PGGHG: variants seen among roughly 807,000 people sequenced by gnomAD.
PGGHG encodes the protein ATH1, acid trehalase-like 1.
PGGHG carries 67 observed loss-of-function variants against 74.5 expected under a neutral mutation model. The observed-to-expected ratio is 0.90, with a 90% CI of 0.74 to 1.10. The LOEUF (loss-of-function observed/expected upper bound fraction) is 1.10, where lower values mean the gene tolerates loss of function less well. PGGHG is among the 50% of genes least tolerant of loss of function. The pLI, the probability that PGGHG is intolerant of heterozygous loss-of-function variation, is 0.00. For synonymous variants in PGGHG, 496 were observed against 419.9 expected, an observed-to-expected ratio of 1.18 and a Z score of -2.21; for missense variants, 1,034 against 981.5, an observed-to-expected ratio of 1.05 and a Z score of -0.72.
At chr11:291,818 T>A in intron 4 of PGGHG, 158 bp from the exon 5 acceptor site, 2 of 1,070,364 alleles carry the variant, frequency 1.9e-6, no homozygotes, top group Non-Finnish European at 2.6e-6. Flanking sequence ...GAGACAGAAC[T>A]GGGTGGGCAG....
At position 294,273 on chromosome 11, in the gene PGGHG, C is replaced by G; in HGVS notation, c.1815C>G (p.Thr605=). ...VVFGCTGFRV[T]RAGVTFDPVC... Reference sequence around the variant, plus strand: ...CAAGCCTCTCCTCCCACAGGGTCACCCGAGCGGGTGTGACCTTTGACCCTG... The same window carrying G: ...CAAGCCTCTCCTCCCACAGGGTCACGCGAGCGGGTGTGACCTTTGACCCTG... Residue 605 remains threonine, a synonymous_variant, in exon 13 of 14, where the codon ACC becomes ACG. Coordinates refer to ENST00000409548, the MANE Select transcript of PGGHG (RefSeq NM_025092.5). 6.2e-7 allele frequency: 1 copy of G among 1,604,272 alleles called. No individual in the cohort carries two copies. The highest frequency in any genetic ancestry group is 8.5e-7 in the Non-Finnish European group (1 of 1,174,688).
chr11:291,641 C>G (rs1845724355), intron 4 of PGGHG: 2 of 303,104 alleles, frequency 6.6e-6, no homozygotes, highest in Admixed American at 9.5e-5. Flanking sequence ...CCCGGTGCTG[C>G]CGCTGTGGCC....
In PGGHG at chr11:294,347, A is replaced by G. The variant is rs1243875997; in HGVS notation, c.1889A>G (p.Gln630Arg). Reference protein sequence around the residue: ...SRVSVSGIFYQGNKLNFSFSE... With the variant: ...SRVSVSGIFYRGNKLNFSFSE... ...GTGAGCGTCTCCGGCATCTTCTACC[A>G]GGGGAACAAGCTCAACTTCTCTTTT... The change falls in exon 13 of 14, where the codon CAG becomes CGG. Residue 630 changes from glutamine to arginine, a missense_variant. By Grantham distance (43) the Gln-to-Arg change is conservative (BLOSUM62 1). Coordinates refer to ENST00000409548, the MANE Select transcript of PGGHG (RefSeq NM_025092.5). 1 of 1,613,126 alleles carries G rather than the reference A, an allele frequency of 6.2e-7. No homozygotes were observed. The highest frequency in any genetic ancestry group is 2.2e-5 in the East Asian group (1 of 44,862).
chr11:291,400 C>T (rs1478948949), intron 4 of PGGHG: 1 of 423,566 alleles, frequency 2.4e-6, no homozygotes, highest in Non-Finnish European at 4.2e-6. Flanking sequence ...CGTTTGTAGA[C>T]AGTAGTGTGG....
At position 293,932 on chromosome 11, in the gene PGGHG, C is replaced by A; in HGVS notation, c.1710+7C>A. On this transcript the variant is annotated splice_region_variant and intron_variant, in intron 11 of 13. Transcript: ENST00000409548. ...CATGGCTGAACCCTTCAAGGTCAGC[C>A]TGGCCACACCTGCCTCCCACTGGGC... 1 of 1,607,866 alleles carries A rather than the reference C, an allele frequency of 6.2e-7. No individual in the cohort carries two copies. The highest frequency in any genetic ancestry group is 8.5e-7 in the Non-Finnish European group (1 of 1,177,570).
chr11:289,469 G>T lies in PGGHG; in HGVS notation c.-14+230G>T. The T allele has an allele frequency of 4.6e-6, 1 of 216,818 alleles. No homozygotes were observed. Among genetic ancestry groups the T allele is most frequent in the Non-Finnish European group, 9.2e-6 (1 of 108,200 alleles). 13.4% of individuals were successfully genotyped at this position (216,818 alleles called of 1,614,324 possible). A position where few individuals can be genotyped will look rare whatever the true frequency, so the allele number is the denominator to read the frequency against. On this transcript the variant is annotated intron_variant, in intron 1 of 13. Transcript: ENST00000409548. The surrounding 1 kb of genome is among the most constrained non-coding windows in gnomAD (Gnocchi z 5.6). ...CCCCACGTGCCACCAACAGACGCAG[G>T]TCCCGACCACAGAGGGTGGGGGCAA...
chr11:290,100 C>T (rs1845672021), intron 2 of PGGHG, 25 bp downstream of exon 2: 1 of 1,503,602 alleles, frequency 6.7e-7, no homozygotes, highest in Non-Finnish European at 8.9e-7. Context: ...CCTGCCTCAC[C>T]CCTGCCCCAG....
Position 292,004 on chromosome 11 carries a change from T to G in PGGHG, c.935T>G (p.Met312Arg), listed in dbSNP as rs1246618799. The change falls in exon 5 of 14, where the codon ATG becomes AGG. Residue 312 changes from methionine to arginine, a missense_variant. Physicochemically the swap from Met to Arg is moderately conservative, Grantham distance 91. Transcript: ENST00000409548. ...QDLWMFPSIL[M>R]FHPEAARAIL... ...CTCTGGATGTTCCCGAGTATCCTGA[T>G]GTTCCACCCAGAAGCCGCCAGGGCC... 1 of 1,610,496 alleles carries G rather than the reference T, an allele frequency of 6.2e-7. No individual in the cohort carries two copies. Among genetic ancestry groups the G allele is most frequent in the Non-Finnish European group, 8.5e-7 (1 of 1,178,926 alleles).
In PGGHG at chr11:294,735, C is replaced by A; in HGVS notation, c.2200C>A (p.Pro734Thr). 1.2e-6 allele frequency: 2 copies of A among 1,600,840 alleles called. No individual in the cohort carries two copies. Among genetic ancestry groups the A allele is most frequent in the Non-Finnish European group, 1.7e-6 (2 of 1,172,662 alleles). ...SSPTESLTVDPASE is the reference protein window; with the variant it reads ...SSPTESLTVDTASE ...CCCCACCGAGTCACTCACTGTGGACCCTGCCTCTGAATAATCAGGAACGGT... is the reference window on the plus strand; with the variant it reads ...CCCCACCGAGTCACTCACTGTGGACACTGCCTCTGAATAATCAGGAACGGT... The change falls in exon 14 of 14, where the codon CCT becomes ACT. Residue 734 changes from proline to threonine, a missense_variant. Pro to Thr is a conservative substitution (Grantham distance 38). Coordinates refer to ENST00000409548, the MANE Select transcript of PGGHG (RefSeq NM_025092.5).
intron 2 of PGGHG, 24 bp downstream of exon 2, chr11:290,099 C>T (rs941677819): frequency 2.0e-6 from 3 of 1,504,114 alleles, no homozygotes; most frequent in African/African-American, 2.8e-5. Context: ...GCCTGCCTCA[C>T]CCCTGCCCCA....
Position 295,489 on chromosome 11 carries a change from G to C in PGGHG, c.*740G>C, listed in dbSNP as rs1002099434. On this transcript the variant is annotated 3_prime_UTR_variant, in exon 14 of 14. Coordinates refer to ENST00000409548, the MANE Select transcript of PGGHG (RefSeq NM_025092.5). ...GGACCAGCCAGAGGGACTGGAGCCA[G>C]GTGTGCATGGGTTCAAGGCCCTGGC... 1 of 152,292 alleles carries C rather than the reference G, an allele frequency of 6.6e-6. No homozygotes were observed. Among genetic ancestry groups the C allele is most frequent in the Non-Finnish European group, 1.5e-5 (1 of 68,078 alleles). The allele number at this position is 152,292 out of a possible 1,614,324, so 9.4% of individuals were successfully genotyped here.
chr11:290,243 C>T, intron 2 of PGGHG, 147 bp from the exon 3 acceptor site: 2 of 1,328,534 alleles, frequency 1.5e-6, no homozygotes, highest in East Asian at 2.5e-5. Context: ...ACCTGGAGGC[C>T]TCCTGTGCAG....
rs1316533011 is a variant in PGGHG at position 292,990 on chromosome 11, C to G, written c.1263C>G (p.His421Gln). The G allele has an allele frequency of 4.4e-6, 7 of 1,597,216 alleles. No homozygotes were observed. The highest frequency in any genetic ancestry group is 6.0e-6 in the Non-Finnish European group (7 of 1,170,598). ...GGAGCCCCAGGGAGGAAAAGTACCACCTGAGGGGTGAGGCCATGGTGGGGA... is the reference window on the plus strand; with the variant it reads ...GGAGCCCCAGGGAGGAAAAGTACCAGCTGAGGGGTGAGGCCATGGTGGGGA... ...VEWSPREEKY[H>Q]LRGVMSPDEY... The change falls in exon 7 of 14, where the codon CAC becomes CAG. Residue 421 changes from histidine to glutamine, a missense_variant. Physicochemically the swap from His to Gln is conservative, Grantham distance 24 (BLOSUM62 0). Transcript: ENST00000409548.
rs760295073 is a variant in PGGHG at position 294,296 on chromosome 11, C to T, written c.1838C>T (p.Pro613Leu). Residue 613 changes from proline (P) to leucine (L), a missense_variant, in exon 13 of 14, where the codon CCT becomes CTT. Coordinates refer to ENST00000409548, the MANE Select transcript of PGGHG (RefSeq NM_025092.5). ...RVTRAGVTFD[P>L]VCLSGISRVS... is the part of the protein sequence containing the mutation. ...ACCCGAGCGGGTGTGACCTTTGACC[C>T]TGTGTGTCTGTCGGGGATCTCCAGA... 3 of 1,611,340 alleles carry T rather than the reference C, an allele frequency of 1.9e-6. No individual in the cohort carries two copies. Among genetic ancestry groups the T allele is most frequent in the African/African-American group, 1.3e-5 (1 of 74,886 alleles).
At position 291,157 on chromosome 11, in the gene PGGHG, A is replaced by G. The variant is rs370614850; in HGVS notation, c.906+44A>G. 1.1e-5 allele frequency: 17 copies of G among 1,517,492 alleles called. No individual in the cohort carries two copies. In the African/African-American group the frequency reaches 2.2e-4, roughly 20 times the overall value. The allele number at this position is 1,517,492 out of a possible 1,614,324, so 94.0% of individuals were successfully genotyped here. ...GCACCAGCCACACAGCAGGCGACAC[A>G]TGGAGGTCCACGGTCTCTGCCCTCC... On this transcript the variant is annotated intron_variant, in intron 4 of 13. Transcript: ENST00000409548.
Position 294,773 on chromosome 11 carries a change from G to T in PGGHG, c.*24G>T, listed in dbSNP as rs763277834. The stretch of plus-strand genomic sequence containing the variant: ...AATCAGGAACGGTGGCTTCAGAGAC[G>T]TCTCTTGGGCCTTCCCTCTGGCCAC... On this transcript the variant is annotated 3_prime_UTR_variant, in exon 14 of 14. Transcript: ENST00000409548. 6.4e-7 allele frequency: 1 copy of T among 1,569,132 alleles called. No homozygotes were observed. The highest frequency in any genetic ancestry group is 8.7e-7 in the Non-Finnish European group (1 of 1,153,186).
At position 294,845 on chromosome 11, in the gene PGGHG, A is replaced by C. The variant is rs1590292985; in HGVS notation, c.*96A>C. ...GCACCCTCCTAGCCTGCCATCCCTC[A>C]CCTGCAGCCAGGCTCTCAGGGAAGG... On this transcript the variant is annotated 3_prime_UTR_variant, in exon 14 of 14. Coordinates refer to ENST00000409548, the MANE Select transcript of PGGHG (RefSeq NM_025092.5). 1.5e-6 allele frequency: 2 copies of C among 1,345,914 alleles called. No individual in the cohort carries two copies. The highest frequency in any genetic ancestry group is 2.0e-6 in the Non-Finnish European group (2 of 993,468). The allele number at this position is 1,345,914 out of a possible 1,614,324, so 83.4% of individuals were successfully genotyped here.
In PGGHG at chr11:292,604, T is replaced by G. The variant is rs755784553; in HGVS notation, c.1085T>G (p.Ile362Ser). 1.9e-6 allele frequency: 3 copies of G among 1,613,686 alleles called. No homozygotes were observed. The highest frequency in any genetic ancestry group is 1.6e-4 in the Middle Eastern group (1 of 6,062). The change falls in exon 6 of 14, where the codon ATT (isoleucine) becomes AGT (serine). Residue 362 changes from isoleucine (I) to serine (S), a missense_variant. Ile to Ser is a moderately radical substitution (Grantham distance 142). Transcript: ENST00000409548. ...DSGLEVCPED[I>S]YGVQEVHVNG... ...GGCCTAGAGGTTTGCCCTGAGGACA[T>G]TTACGGAGTCCAGGAGGTCCACGTC... is the stretch of plus-strand genomic sequence containing the variant.
At chr11:293,306 A>G in intron 8 of PGGHG, 60 bp from the exon 9 acceptor site, 1 of 1,598,994 alleles carries the variant, frequency 6.3e-7, no homozygotes, top group Non-Finnish European at 8.5e-7. Flanking sequence ...TGCCCCCACT[A>G]GGCAGGCAGC....
Sources: gnomAD v4.1 joint callset for allele counts on GRCh38, gnomAD v4.1.1 for gene constraint, Gnocchi (gnomAD v3.1) non-coding constraint, MANE v1.5 for transcripts, NCBI Gene and HGNC (gene_info 2026-07-23, HGNC 2026-07-21) for gene names.